RTEL1: variants seen among roughly 807,000 people sequenced by gnomAD.
RTEL1 encodes regulator of telomere length.
RTEL1 carries 86 observed loss-of-function variants against 162.2 expected under a neutral mutation model. The observed-to-expected ratio is 0.53, with a 90% CI of 0.45 to 0.63. RTEL1 has a LOEUF of 0.63. Ranked by LOEUF, RTEL1 falls within the 30% of genes least tolerant of loss-of-function variation. The probability of loss-of-function intolerance (pLI) is 0.00; values close to 1 mark genes in which losing one functional copy is unlikely to be tolerated. For synonymous variants in RTEL1, 958 were observed against 717.9 expected (o/e 1.33, Z -5.35); for missense variants, 1,941 against 1,750.2 (o/e 1.11, Z -1.95).
intron 12 of RTEL1, among the ~76,000 whole-genome samples, chr20:63,678,834 G>A (rs1489910812): frequency 1.1e-4 from 14 of 126,478 alleles, no homozygotes; most frequent in Admixed American, 6.8e-4. Context: ...CACACCCACG[G>A]AACGGCACAC....
intron 8 of RTEL1, among the ~76,000 whole-genome samples, chr20:63,671,865 C>G (rs1236337525): frequency 6.6e-6 from 1 of 151,970 alleles, no homozygotes; most frequent in African/African-American, 2.4e-5. Flanking sequence ...TGGGTGGGAC[C>G]TGGGAGTTGG....
chr20:63,679,227 C>T (rs992256714), intron 12 of RTEL1, among the ~76,000 whole-genome samples: 8 of 152,156 alleles, frequency 5.3e-5, no homozygotes, highest in African/African-American at 1.2e-4. Context: ...GCACAGCCGC[C>T]GAGGTGGAGC....
chr20:63,675,999 TG>T (rs1376382197), intron 10 of RTEL1, among the ~76,000 whole-genome samples: 2 of 152,196 alleles, frequency 1.3e-5, no homozygotes, highest in Non-Finnish European at 2.9e-5. Context: ...TTGTAACTAG[TG>T]GGGGACGTGT....
At position 63,694,973 on chromosome 20, in the gene RTEL1, C is replaced by A. The variant is rs779506307; in HGVS notation, c.3342C>A (p.His1114Gln). 69 of 1,612,178 alleles carry A rather than the reference C, an allele frequency of 4.3e-5. No individual in the cohort carries two copies. The highest frequency in any genetic ancestry group is 5.6e-5 in the Non-Finnish European group (66 of 1,179,740). The stretch of plus-strand genomic sequence containing the variant: ...AGCCAGAGGACTTCCCCCTGCTGCA[C>A]AGCAAGTGGCCCTGGCGTGGGGAAC... The part of the protein sequence containing the change: ...TAKPEDFPLL[H>Q]RFSMFVRPHH... The change falls in exon 32 of 35, where the codon CAC becomes CAA. Residue 1114 changes from histidine (H) to glutamine (Q), a missense_variant and splice_region_variant. His to Gln is a conservative substitution (Grantham distance 24). Transcript: ENST00000360203.
chr20:63,673,211 G>C (rs1385404885), intron 9 of RTEL1, among the ~76,000 whole-genome samples: 1 of 151,982 alleles, frequency 6.6e-6, no homozygotes, highest in African/African-American at 2.4e-5. Context: ...GGCCAACATA[G>C]TGAAACACCG....
At chr20:63,683,452 G>A (rs576636514) in intron 14 of RTEL1, among the ~76,000 whole-genome samples, 1 of 152,380 alleles carries the variant, frequency 6.6e-6, no homozygotes, top group South Asian at 2.1e-4. Flanking sequence ...GGAAGGAACG[G>A]AAGGAAATTT....
At chr20:63,676,807 T>A (rs6011024) in intron 10 of RTEL1, among the ~76,000 whole-genome samples, 1 of 151,630 alleles carries the variant, frequency 6.6e-6, no homozygotes, top group African/African-American at 2.4e-5. Flanking sequence ...TGGTGGTGCA[T>A]GCTTGTAATC....
At chr20:63,679,462 G>A (rs1384443655) in intron 12 of RTEL1, among the ~76,000 whole-genome samples, 3 of 147,732 alleles carry the variant, frequency 2.0e-5, no homozygotes, top group Admixed American at 6.7e-5. Flanking sequence ...ACCTCTTGAC[G>A]ACCCCCTAGT....
rs760398738 is a variant in RTEL1, at chr20:63,688,038, C to T, written c.1583C>T (p.Ala528Val). 2.5e-6 allele frequency: 4 copies of T among 1,612,678 alleles called. No individual in the cohort carries two copies. Among genetic ancestry groups the T allele is most frequent in the Non-Finnish European group, 3.4e-6 (4 of 1,179,898 alleles). ...CCCGATGGAGCCCAGTTGAGCTCCG[C>T]GTTTGACAGACGGTGAGGGCCTGTC... The part of the protein sequence containing the change: ...RGPDGAQLSS[A>V]FDRRFSEECL... The change falls in exon 18 of 35, where the codon GCG (alanine) becomes GTG (valine). Residue 528 changes from alanine (A) to valine (V), a missense_variant. Coordinates refer to ENST00000360203, the MANE Select transcript of RTEL1 (RefSeq NM_001283009.2).
chr20:63,692,687 G>C (rs564548775), intron 28 of RTEL1, 118 bp from the exon 29 acceptor site: 2 of 989,964 alleles, frequency 2.0e-6, no homozygotes, highest in South Asian at 1.5e-5. Context: ...TCAGGCAGCA[G>C]CCCCACCTCG....
chr20:63,689,628 C>T lies in RTEL1; in HGVS notation c.2005C>T (p.Gln669Ter), dbSNP rs1555811762. 6.2e-7 allele frequency: 1 copy of T among 1,609,032 alleles called. No individual in the cohort carries two copies. The highest frequency in any genetic ancestry group is 8.5e-7 in the Non-Finnish European group (1 of 1,177,088). Residue 669 changes from glutamine to a stop codon, truncating the protein, a stop_gained, in exon 23 of 35, where the codon CAG becomes TAG. Coordinates refer to ENST00000360203, the MANE Select transcript of RTEL1 (RefSeq NM_001283009.2). LOFTEE classifies it high-confidence loss of function. ...GCAGTTCCTGGATGAGATGAAGGGC[C>T]AGGGTGGGGCTGGGGGCCAGGTGAG... ...KMQFLDEMKG[Q>*]GGAGGQFLSG...
At position 63,693,465 on chromosome 20, in the gene RTEL1, ACCT is replaced by A. The variant is rs370553074; in HGVS notation, c.2992+185_2992+187del. Reference sequence around the variant, plus strand: ...CACCAGCAGCACCACCTCCACCTCCACCTCCACCTCCACCTCCACCACCACCTC... The same window carrying A: ...CACCAGCAGCACCACCTCCACCTCCACCACCTCCACCTCCACCACCACCTC... On this transcript the variant is annotated intron_variant, in intron 30 of 34. Transcript: ENST00000360203. 0.071 allele frequency among the ~76,000 whole-genome samples: 1,745 copies of A among 24,638 alleles called. 187 individuals are homozygous for A. Among genetic ancestry groups the A allele is most frequent in the Middle Eastern group, 0.14 (10 of 72 alleles). The allele number at this position is 24,638 out of a possible 152,430, so 16.2% of individuals were successfully genotyped here. A position where few individuals can be genotyped will look rare whatever the true frequency, so the allele number is the denominator to read the frequency against.
chr20:63,682,427 G>T, intron 14 of RTEL1: 12 of 985,866 alleles, frequency 1.2e-5, no homozygotes, highest in Non-Finnish European at 1.4e-5. Context: ...TTAAGGAGAA[G>T]TCTCCACACT....
At chr20:63,676,714 T>C (rs2090357223) in intron 10 of RTEL1, among the ~76,000 whole-genome samples, 1 of 152,132 alleles carries the variant, frequency 6.6e-6, no homozygotes, top group African/African-American at 2.4e-5. Context: ...GGCAGGCGGA[T>C]CACGAGGTCA....
chr20:63,658,239 G>C (rs1428829560), upstream of RTEL1: 2 of 152,442 alleles, frequency 1.3e-5, no homozygotes, highest in Admixed American at 1.3e-4. Context: ...AGGAGCCGAA[G>C]AGCAGGCGGA....
Position 63,691,752 on chromosome 20 carries a change from G to C in RTEL1, c.2567G>C (p.Cys856Ser), listed in dbSNP as rs1398820483. 1.6e-5 allele frequency: 26 copies of C among 1,612,440 alleles called. No individual in the cohort carries two copies. The highest frequency in any genetic ancestry group is 2.2e-5 in the Non-Finnish European group (26 of 1,179,776). ...GSPGEEQAHS[C>S]STLSLLSEKR... is the part of the protein sequence containing the mutation. The stretch of plus-strand genomic sequence containing the variant: ...CTGTGTCCTCCTCAGGCCCACAGCT[G>C]CTCCACCCTGTCCCTCCTGTCTGAG... The change falls in exon 28 of 35, where the codon TGC becomes TCC. Residue 856 changes from cysteine to serine, a missense_variant. Transcript: ENST00000360203.
At chr20:63,663,540 C>T (rs1351452844) in intron 6 of RTEL1, among the ~76,000 whole-genome samples, 1 of 152,248 alleles carries the variant, frequency 6.6e-6, no homozygotes, top group African/African-American at 2.4e-5. Context: ...TCTCCACCCA[C>T]GTGGCTGCCC....
At chr20:63,672,493 T>C (rs766141815) in intron 8 of RTEL1, 63 bp from the exon 9 acceptor site, 5 of 1,327,146 alleles carry the variant, frequency 3.8e-6, no homozygotes, top group Non-Finnish European at 5.3e-6. Context: ...GCACATGTCT[T>C]GGCTTCCCTC....
intron 30 of RTEL1, among the ~76,000 whole-genome samples, chr20:63,694,131 C>T (rs571980065): frequency 6.6e-6 from 1 of 152,270 alleles, no homozygotes; most frequent in South Asian, 2.1e-4. Flanking sequence ...ATGCCTGCAC[C>T]CAGCCTACGG....
Sources: gnomAD v4.1 joint callset for allele counts (sites outside exome capture counted in the v4.1 genomes callset) on GRCh38, gnomAD v4.1.1 for gene constraint, MANE v1.5 for transcripts, NCBI Gene and HGNC (gene_info 2026-07-23, HGNC 2026-07-21) for gene names.